SLC35F2: variants seen among roughly 807,000 people sequenced by gnomAD.
SLC35F2 encodes solute carrier family 35 member F2.
Under a neutral mutation model 38.1 loss-of-function variants are expected in SLC35F2, and 25 were observed. The observed-to-expected ratio is 0.66, with a 90% CI of 0.48 to 0.92. The LOEUF (loss-of-function observed/expected upper bound fraction) is 0.92. SLC35F2 is among the 40% of genes least tolerant of loss of function. The pLI is 0.00. For missense variants in SLC35F2, 409 were observed against 452.9 expected, an observed-to-expected ratio of 0.90 and a Z score of 0.88; for synonymous variants, 173 against 181.7, an observed-to-expected ratio of 0.95 and a Z score of 0.38.
At chr11:107,846,355 A>T (rs1166869124) in intron 1 of SLC35F2, among the ~76,000 whole-genome samples, 1 of 152,218 alleles carries the variant, frequency 6.6e-6, no homozygotes, top group African/African-American at 2.4e-5. Context: ...TCATGAAGAA[A>T]ACATGATACC....
At chr11:107,850,322 G>A (rs17107515) in intron 1 of SLC35F2, among the ~76,000 whole-genome samples, 3,113 of 152,206 alleles carry the variant, frequency 0.02, 92 homozygotes, top group African/African-American at 0.07. Flanking sequence ...GATGGACCAC[G>A]GAACCACAGA....
chr11:107,857,625 G>T (rs1312957278), intron 1 of SLC35F2, among the ~76,000 whole-genome samples: 2 of 152,030 alleles, frequency 1.3e-5, no homozygotes, highest in African/African-American at 4.8e-5. Flanking sequence ...TATCGATCTC[G>T]TTTTTAAAAT....
intron 3 of SLC35F2, among the ~76,000 whole-genome samples, chr11:107,809,460 C>CAAAAAAAA (rs775009107): frequency 9.4e-6 from 1 of 106,226 alleles, no homozygotes; most frequent in African/African-American, 3.6e-5. Context: ...GACTCCACCT[C>CAAAAAAAA]AAAAAAAAAA....
intron 7 of SLC35F2, among the ~76,000 whole-genome samples, chr11:107,801,417 CT>C (rs1859309525): frequency 6.6e-6 from 1 of 151,224 alleles, no homozygotes; most frequent in Non-Finnish European, 1.5e-5. Context: ...ATTCTTCTCA[CT>C]ATTTTTTTAT....
At chr11:107,801,242 T>C (rs1859303516) in intron 7 of SLC35F2, among the ~76,000 whole-genome samples, 1 of 152,136 alleles carries the variant, frequency 6.6e-6, no homozygotes, top group Non-Finnish European at 1.5e-5. Flanking sequence ...TAAAATGCTA[T>C]TTGCCCATTT....
chr11:107,802,379 T>C (rs1163893088), intron 7 of SLC35F2, among the ~76,000 whole-genome samples: 1 of 152,214 alleles, frequency 6.6e-6, no homozygotes, highest in Non-Finnish European at 1.5e-5. Flanking sequence ...AAGACACTGA[T>C]ATATTCCCTT....
At chr11:107,794,680 CA>C (rs1859190380) in intron 7 of SLC35F2, among the ~76,000 whole-genome samples, 1 of 152,118 alleles carries the variant, frequency 6.6e-6, no homozygotes, top group Non-Finnish European at 1.5e-5. Context: ...TCCTATTCAA[CA>C]TAGTACTGGA....
chr11:107,842,257 CAAAAAAAAA>C (rs541185009), intron 1 of SLC35F2, among the ~76,000 whole-genome samples: 7 of 37,902 alleles, frequency 1.8e-4, no homozygotes, highest in South Asian at 1.9e-3. Context: ...CTCCGTCTCA[CAAAAAAAAA>C]AAAAAAAAAA....
chr11:107,825,631 AG>A (rs1352608903), intron 1 of SLC35F2, among the ~76,000 whole-genome samples: 1 of 151,866 alleles, frequency 6.6e-6, no homozygotes, highest in Non-Finnish European at 1.5e-5. Context: ...GGCCCCCCAA[AG>A]TTGTTGGGAT....
At chr11:107,824,003 G>GAT (rs1229204737) in intron 1 of SLC35F2, 1 of 983,800 alleles carries the variant, frequency 1.0e-6, no homozygotes, top group African/African-American at 1.8e-5. Flanking sequence ...TAGCAGCCAA[G>GAT]ATGAACTGTT....
intron 1 of SLC35F2, chr11:107,823,219 C>T (rs943185336): frequency 6.1e-6 from 6 of 985,210 alleles, no homozygotes; most frequent in Non-Finnish European, 7.2e-6. Flanking sequence ...GAGTCTAAGA[C>T]ATGATCAGGA....
intron 1 of SLC35F2, among the ~76,000 whole-genome samples, chr11:107,855,817 A>AC (rs1211894663): frequency 0.021 from 1 of 48 alleles, no homozygotes; most frequent in Non-Finnish European, 0.042. Context: ...ATTAGGAGAG[A>AC]AAAAAAAAAA....
intron 1 of SLC35F2, chr11:107,821,511 A>C (rs1203658033): frequency 1.0e-6 from 1 of 985,220 alleles, no homozygotes; most frequent in Non-Finnish European, 1.2e-6. Flanking sequence ...AGACAAGAAC[A>C]CTCAAACTTA....
chr11:107,812,663 A>G (rs1859500453), intron 2 of SLC35F2, among the ~76,000 whole-genome samples: 2 of 152,228 alleles, frequency 1.3e-5, no homozygotes, highest in Non-Finnish European at 2.9e-5. Context: ...CATTCTGCAC[A>G]TGTATGCTGG....
rs1412078591 is a variant in SLC35F2, at chr11:107,792,689, T to C, written c.1051A>G (p.Thr351Ala). The C allele has an allele frequency of 1.9e-6, 3 of 1,613,708 alleles. No homozygotes were observed. The Admixed American group carries it at 5.0e-5, about 27-fold the overall frequency. The change falls in exon 8 of 8, where the codon ACC becomes GCC. Residue 351 changes from threonine to alanine, a missense_variant. Coordinates refer to ENST00000525815, the MANE Select transcript of SLC35F2 (RefSeq NM_017515.5). ...CCCAGGTTGTCAATCCCAATGCTGG[T>C]GACTGGAGGCACGCTGCTTTCAGCC... ...EPAESSVPPV[T>A]SIGIDNLGLK...
chr11:107,850,171 C>T (rs1860155833), intron 1 of SLC35F2, among the ~76,000 whole-genome samples: 1 of 152,130 alleles, frequency 6.6e-6, no homozygotes, highest in Non-Finnish European at 1.5e-5. Flanking sequence ...GCATCCCCTC[C>T]CCTCTACCTA....
At chr11:107,820,828 CG>C (rs1327035876) in intron 1 of SLC35F2, among the ~76,000 whole-genome samples, 1 of 152,002 alleles carries the variant, frequency 6.6e-6, no homozygotes, top group African/African-American at 2.4e-5. Flanking sequence ...TAGTGGCAGG[CG>C]CCTGTAATCC....
intron 1 of SLC35F2, 134 bp from the exon 2 acceptor site, chr11:107,816,099 T>C: frequency 7.6e-7 from 1 of 1,315,672 alleles, no homozygotes. Flanking sequence ...TGGTTCTTCA[T>C]TTCATGAAAT....
chr11:107,816,343 G>A (rs1453242279), intron 1 of SLC35F2: 2 of 936,416 alleles, frequency 2.1e-6, no homozygotes, highest in Non-Finnish European at 2.5e-6. Flanking sequence ...GTGCAGTGGT[G>A]CAATCACAGC....
Sources: gnomAD v4.1 joint callset for allele counts (sites outside exome capture counted in the v4.1 genomes callset) on GRCh38, gnomAD v4.1.1 for gene constraint, MANE v1.5 for transcripts, NCBI Gene and HGNC (gene_info 2026-07-23, HGNC 2026-07-21) for gene names.